Variants in PLCH1 observed in about 807,000 individuals in gnomAD.
The protein encoded by PLCH1 is 1-phosphatidylinositol 4,5-bisphosphate phosphodiesterase eta-1.
PLCH1 carries 60 observed loss-of-function variants against 126.7 expected under a neutral mutation model. That is an observed-to-expected ratio of 0.47 (90% CI 0.38 to 0.59). PLCH1 has a LOEUF of 0.59. Among genes scored for constraint, PLCH1 ranks in the 20% least tolerant of loss-of-function variants. The pLI, the probability that PLCH1 is intolerant of heterozygous loss-of-function variation, is 0.00. For synonymous variants in PLCH1, 719 were observed against 734.9 expected, an observed-to-expected ratio of 0.98 and a Z score of 0.35; for missense variants, 1,723 against 2,040.0, an observed-to-expected ratio of 0.84 and a Z score of 2.99.
chr3:155,512,335 C>G (rs1262282194), intron 12 of PLCH1, among the ~76,000 whole-genome samples: 1 of 152,156 alleles, frequency 6.6e-6, no homozygotes, highest in African/African-American at 2.4e-5. Context: ...TTGGCATATA[C>G]ATAACGACAA....
intron 18 of PLCH1, among the ~76,000 whole-genome samples, chr3:155,491,400 A>G (rs566509736): frequency 2.0e-5 from 3 of 152,110 alleles, no homozygotes; most frequent in Admixed American, 2.0e-4. Context: ...AGTAGCTGGG[A>G]CTATAGGATT....
intron 1 of PLCH1, among the ~76,000 whole-genome samples, chr3:155,744,305 A>C (rs1210441560): frequency 6.6e-6 from 1 of 152,144 alleles, no homozygotes; most frequent in East Asian, 1.9e-4. Flanking sequence ...AGGAAAGGGC[A>C]ATGGAGTATA....
intron 1 of PLCH1, among the ~76,000 whole-genome samples, chr3:155,708,337 A>G (rs970131404): frequency 1.3e-5 from 2 of 152,174 alleles, no homozygotes; most frequent in Non-Finnish European, 2.9e-5. Context: ...TTTAGCTTCC[A>G]CCAGATTCAG....
chr3:155,624,202 A>AG (rs1249236313), intron 2 of PLCH1, among the ~76,000 whole-genome samples: 1 of 152,136 alleles, frequency 6.6e-6, no homozygotes, highest in African/African-American at 2.4e-5. Flanking sequence ...ATTCAACAGC[A>AG]CTTCATGCTA....
At chr3:155,627,733 T>C (rs1737498757) in intron 2 of PLCH1, among the ~76,000 whole-genome samples, 1 of 151,052 alleles carries the variant, frequency 6.6e-6, no homozygotes, top group South Asian at 2.1e-4. Context: ...AAAAAGAATA[T>C]CATAAATCTA....
At chr3:155,509,291 CT>C (rs1186864551) in intron 12 of PLCH1, among the ~76,000 whole-genome samples, 1 of 112,584 alleles carries the variant, frequency 8.9e-6, no homozygotes, top group African/African-American at 5.0e-5. Context: ...TTTGTTGATC[CT>C]TTCAAAAAAC....
chr3:155,628,921 A>G (rs1383640146), intron 2 of PLCH1, among the ~76,000 whole-genome samples: 1 of 152,212 alleles, frequency 6.6e-6, no homozygotes, highest in Non-Finnish European at 1.5e-5. Context: ...AATTTGCAAG[A>G]GCTATCAAAA....
At chr3:155,722,156 G>A (rs1481892351) in intron 1 of PLCH1, among the ~76,000 whole-genome samples, 5 of 151,898 alleles carry the variant, frequency 3.3e-5, no homozygotes, top group African/African-American at 4.8e-5. Context: ...TGGGTTTGTC[G>A]TAGATGTCTT....
intron 1 of PLCH1, among the ~76,000 whole-genome samples, chr3:155,736,488 A>C (rs920661170): frequency 3.3e-5 from 5 of 152,212 alleles, no homozygotes; most frequent in African/African-American, 1.2e-4. Context: ...CAAAAAAATA[A>C]GAAAAAGAAA....
rs754384885 is a variant in PLCH1 at position 155,482,550 on chromosome 3, T to C, written c.3476A>G (p.His1159Arg). The C allele has an allele frequency of 5.0e-6, 8 of 1,614,184 alleles. No individual in the cohort carries two copies. Among genetic ancestry groups the C allele is most frequent in the Non-Finnish European group, 5.9e-6 (7 of 1,180,026 alleles). The change falls in exon 23 of 23, where the codon CAT becomes CGT. Residue 1159 changes from histidine to arginine, a missense_variant. Physicochemically the swap from His to Arg is conservative, Grantham distance 29 (BLOSUM62 0). Coordinates refer to ENST00000460012, the MANE Select transcript of PLCH1 (RefSeq NM_014996.4). The part of the protein sequence containing the change: ...SMLCSDIPDL[H>R]STAILQESVI... Reference sequence around the variant, plus strand: ...ACTCTCCTGCAGAATTGCAGTTGAATGTAGGTCAGGTATGTCAGAACAGAG... The same window carrying C: ...ACTCTCCTGCAGAATTGCAGTTGAACGTAGGTCAGGTATGTCAGAACAGAG...
chr3:155,552,228 T>C (rs1281954135), intron 9 of PLCH1, among the ~76,000 whole-genome samples: 2 of 152,334 alleles, frequency 1.3e-5, no homozygotes, highest in East Asian at 1.9e-4. Context: ...AATTCAAAAA[T>C]CCTTTCTTGA....
Position 155,743,155 on chromosome 3 carries a change from C to A in PLCH1, c.-41+1685G>T, listed in dbSNP as rs561195068. 33 of 377,330 alleles carry A rather than the reference C, an allele frequency of 8.7e-5. No individual in the cohort carries two copies. In the East Asian group the frequency reaches 2.4e-3, roughly 28 times the overall value. 23.4% of individuals were successfully genotyped at this position (377,330 alleles called of 1,614,324 possible). ...ATACCCCTTAAGATGTGTACTTTTG[C>A]CAAATGCTAGGCTGTATGTAAACAA... On this transcript the variant is annotated intron_variant, in intron 1 of 22. Coordinates refer to ENST00000460012, the MANE Select transcript of PLCH1 (RefSeq NM_014996.4).
chr3:155,740,993 G>C (rs139112357), intron 1 of PLCH1, among the ~76,000 whole-genome samples: 16 of 152,240 alleles, frequency 1.1e-4, no homozygotes, highest in African/African-American at 3.6e-4. Context: ...TTTAAACTTA[G>C]CTATCCACGT....
At position 155,564,331 on chromosome 3, in the gene PLCH1, G is replaced by A. The variant is rs189777322; in HGVS notation, c.1069+584C>T. ...TGTAATCCCAGCACTTCGGGAGGCT[G>A]AGGTGGGTGGATCATGAGGTCAGAG... is the stretch of plus-strand genomic sequence containing the variant. On this transcript the variant is annotated intron_variant, in intron 8 of 22. Coordinates refer to ENST00000460012, the MANE Select transcript of PLCH1 (RefSeq NM_014996.4). 3.3e-5 allele frequency among the ~76,000 whole-genome samples: 5 copies of A among 152,320 alleles called. No homozygotes were observed. In the South Asian group the frequency reaches 8.3e-4, roughly 25 times the overall value.
intron 10 of PLCH1, among the ~76,000 whole-genome samples, chr3:155,537,827 C>T (rs1723648564): frequency 2.0e-5 from 3 of 152,082 alleles, no homozygotes; most frequent in Non-Finnish European, 4.4e-5. Flanking sequence ...ACTAACAGCA[C>T]TAGACAGGTC....
At chr3:155,682,311 T>C (rs946452821) in intron 2 of PLCH1, among the ~76,000 whole-genome samples, 4 of 152,168 alleles carry the variant, frequency 2.6e-5, no homozygotes, top group Admixed American at 1.3e-4. Context: ...TTTGAGGAAA[T>C]TGCTATTATA....
chr3:155,575,628 G>A (rs1394147312), intron 6 of PLCH1, among the ~76,000 whole-genome samples: 1 of 152,100 alleles, frequency 6.6e-6, no homozygotes, highest in African/African-American at 2.4e-5. Context: ...AATAAAGGTA[G>A]CCTTTGCTCT....
intron 21 of PLCH1, among the ~76,000 whole-genome samples, chr3:155,455,138 C>A (rs1180897794): frequency 6.6e-6 from 1 of 152,026 alleles, no homozygotes; most frequent in African/African-American, 2.4e-5. Context: ...ATTTGTGTCA[C>A]CGGAATGTGA....
intron 2 of PLCH1, among the ~76,000 whole-genome samples, chr3:155,618,475 T>C (rs974663305): frequency 2.6e-5 from 4 of 152,174 alleles, no homozygotes; most frequent in African/African-American, 9.7e-5. Context: ...AACGTCTGGA[T>C]AGACTGTTAA....
Sources: allele counts gnomAD v4.1 joint callset (sites outside exome capture counted in the v4.1 genomes callset), GRCh38; gene constraint gnomAD v4.1.1; transcripts MANE v1.5; gene names NCBI Gene and HGNC (gene_info 2026-07-23, HGNC 2026-07-21).